Variants in CARD8 observed in about 807,000 individuals in gnomAD.
CARD8 encodes the protein caspase recruitment domain family member 8.
CARD8 carries 38 observed loss-of-function variants against 53.2 expected under a neutral mutation model. The ratio of observed to expected loss-of-function variants is 0.71; its 90% CI spans 0.55 to 0.94. CARD8 has a LOEUF of 0.94. Among genes scored for constraint, CARD8 ranks in the 40% least tolerant of loss-of-function variants. The probability of loss-of-function intolerance (pLI) is 0.00; values close to 1 mark genes in which losing one functional copy is unlikely to be tolerated. For synonymous variants in CARD8, 245 were observed against 244.9 expected (o/e 1.00, Z 0.00); for missense variants, 561 against 655.5 (o/e 0.86, Z 1.57).
Position 48,232,620 on chromosome 19 carries a change from CTA to C in CARD8, c.351-129_351-128del, listed in dbSNP as rs1434133530. The stretch of plus-strand genomic sequence containing the variant: ...GTAGAGTAGCCGCTACCCGGATATG[CTA>C]TTTAAATTTGTATGAATTAAACTTA... On this transcript the variant is annotated intron_variant, in intron 6 of 13. Coordinates refer to ENST00000651546, the MANE Select transcript of CARD8 (RefSeq NM_001184900.3). 6 of 806,906 alleles carry C rather than the reference CTA, an allele frequency of 7.4e-6. No homozygotes were observed. In the East Asian group the frequency reaches 1.6e-4, roughly 22 times the overall value. 50.0% of individuals were successfully genotyped at this position (806,906 alleles called of 1,614,324 possible).
chr19:48,253,525 A>G (rs895558702), intron 1 of CARD8, among the ~76,000 whole-genome samples: 6 of 152,226 alleles, frequency 3.9e-5, no homozygotes, highest in Admixed American at 2.6e-4. Flanking sequence ...AATGTCAGAC[A>G]AATTAGGCTT....
downstream of CARD8, chr19:48,204,083 T>G (rs1402823167): frequency 6.7e-6 from 3 of 445,406 alleles, no homozygotes; most frequent in Non-Finnish European, 1.3e-5. Context: ...CCGCTGAGCA[T>G]TGTGGGGCCC....
At chr19:48,228,589 G>A (rs755386306) in intron 10 of CARD8, among the ~76,000 whole-genome samples, 6 of 152,174 alleles carry the variant, frequency 3.9e-5, no homozygotes, top group South Asian at 2.1e-4. Flanking sequence ...TGGAGACTTC[G>A]GGTACATGGA....
intron 1 of CARD8, among the ~76,000 whole-genome samples, chr19:48,250,142 A>G (rs1332093925): frequency 6.6e-6 from 1 of 152,216 alleles, no homozygotes; most frequent in Non-Finnish European, 1.5e-5. Context: ...AAACATATGA[A>G]AGCTTCCTAA....
chr19:48,204,207 G>A (rs1475217072), downstream of CARD8: 1 of 455,948 alleles, frequency 2.2e-6, no homozygotes, highest in Non-Finnish European at 4.4e-6. Flanking sequence ...TCAGCGCGCA[G>A]GAGGGGGATT....
At position 48,211,149 on chromosome 19, in the gene CARD8, C is replaced by T. The variant is rs2037895291; in HGVS notation, c.*561G>A. The T allele has an allele frequency of 6.6e-6, 1 of 152,230 alleles. No individual in the cohort carries two copies. Among genetic ancestry groups the T allele is most frequent in the Non-Finnish European group, 1.5e-5 (1 of 68,064 alleles). 9.4% of individuals were successfully genotyped at this position (152,230 alleles called of 1,614,324 possible). ...GTTTGCATTTTCTCCCATTTTTGTGCTCTCTTTCAGCAAATACATTTACAT... is the reference window on the plus strand; with the variant it reads ...GTTTGCATTTTCTCCCATTTTTGTGTTCTCTTTCAGCAAATACATTTACAT... On this transcript the variant is annotated 3_prime_UTR_variant, in exon 14 of 14. Coordinates refer to ENST00000651546, the MANE Select transcript of CARD8 (RefSeq NM_001184900.3).
At chr19:48,245,232 C>T (rs2045915012) in intron 3 of CARD8, among the ~76,000 whole-genome samples, 1 of 151,832 alleles carries the variant, frequency 6.6e-6, no homozygotes, top group Non-Finnish European at 1.5e-5. Context: ...TTCTTTGAGA[C>T]GGGGCCTCCC....
intron 10 of CARD8, among the ~76,000 whole-genome samples, chr19:48,225,047 C>T (rs929897398): frequency 6.6e-6 from 1 of 152,014 alleles, no homozygotes; most frequent in African/African-American, 2.4e-5. Flanking sequence ...GCCACCGCAC[C>T]CGGCCCTCCT....
At chr19:48,205,831 T>G (rs1259132424), downstream of CARD8, among the ~76,000 whole-genome samples, 1 of 151,370 alleles carries the variant, frequency 6.6e-6, no homozygotes, top group Non-Finnish European at 1.5e-5. Context: ...AACAAGAGAG[T>G]AGTAGTAAGG....
Position 48,218,345 on chromosome 19 carries a change from ATCT to A in CARD8, c.1303+523_1303+525del, listed in dbSNP as rs1345136646. ...TAAGCCCTGCACGCATTAGCTATTT[ATCT>A]TCTTCTTTTTTTTTTTTTTTTTTTT... On this transcript the variant is annotated intron_variant, in intron 12 of 13. Transcript: ENST00000651546. Among the ~76,000 whole-genome samples the A allele has an allele frequency of 5.9e-3, 777 of 131,340 alleles. 5 individuals are homozygous for A. The highest frequency in any genetic ancestry group is 0.021 in the African/African-American group (744 of 34,974). The allele number at this position is 131,340 out of a possible 152,430, so 86.2% of individuals were successfully genotyped here.
chr19:48,216,168 G>T (rs2039253184), intron 12 of CARD8, among the ~76,000 whole-genome samples: 1 of 149,996 alleles, frequency 6.7e-6, no homozygotes, highest in Non-Finnish European at 1.5e-5. Flanking sequence ...TGTGACACCT[G>T]GAAAAAATCT....
downstream of CARD8, among the ~76,000 whole-genome samples, chr19:48,207,581 A>C (rs2037406252): frequency 6.6e-6 from 1 of 152,066 alleles, no homozygotes; most frequent in Non-Finnish European, 1.5e-5. Context: ...GTAACATTTT[A>C]CTCATAACGT....
chr19:48,245,522 T>C (rs1429108481), intron 3 of CARD8, among the ~76,000 whole-genome samples: 1 of 152,050 alleles, frequency 6.6e-6, no homozygotes, highest in Non-Finnish European at 1.5e-5. Flanking sequence ...AGAAGAATCT[T>C]AATATACAAA....
At chr19:48,241,202 A>G (rs1233719728) in intron 3 of CARD8, 139 bp from the exon 4 acceptor site, 19 of 596,174 alleles carry the variant, frequency 3.2e-5, no homozygotes, top group Non-Finnish European at 5.3e-5. Context: ...TGCTCCTAGT[A>G]GTGGTAGGTA....
At chr19:48,246,475 A>C (rs970041689) in intron 3 of CARD8, among the ~76,000 whole-genome samples, 17 of 152,172 alleles carry the variant, frequency 1.1e-4, no homozygotes, top group Non-Finnish European at 2.5e-4. Context: ...CTCTCAGTGG[A>C]AAGACCTGGG....
At chr19:48,230,117 A>G (rs1169785488) in intron 10 of CARD8, among the ~76,000 whole-genome samples, 2 of 152,144 alleles carry the variant, frequency 1.3e-5, no homozygotes, top group Non-Finnish European at 2.9e-5. Context: ...TGTCTCTAAA[A>G]AAAGAAAAAA....
chr19:48,207,739 T>G (rs74174248), downstream of CARD8, among the ~76,000 whole-genome samples: 295 of 97,120 alleles, frequency 3.0e-3, 5 homozygotes, highest in Middle Eastern at 9.4e-3. Flanking sequence ...TTTCTGTTTT[T>G]TTTTTTTTTT....
chr19:48,227,395 C>T (rs1229353856), intron 10 of CARD8, among the ~76,000 whole-genome samples: 1 of 151,954 alleles, frequency 6.6e-6, no homozygotes, highest in African/African-American at 2.4e-5. Context: ...TCATCAAGTC[C>T]GTCAGTGAAG....
intron 6 of CARD8, chr19:48,233,347 C>T (rs758244684): frequency 6.8e-5 from 31 of 456,100 alleles, no homozygotes; most frequent in South Asian, 2.2e-4. Flanking sequence ...TTTATTTCGA[C>T]GTGAAAGAGA....
Sources: allele counts gnomAD v4.1 joint callset (sites outside exome capture counted in the v4.1 genomes callset), GRCh38; gene constraint gnomAD v4.1.1; transcripts MANE v1.5; gene names NCBI Gene and HGNC (gene_info 2026-07-23, HGNC 2026-07-21).